UCHL3: variants seen among roughly 807,000 people sequenced by gnomAD.
UCHL3 encodes the protein ubiquitin carboxyl-terminal hydrolase isozyme L3.
Under a neutral mutation model 35.8 loss-of-function variants are expected in UCHL3, and 22 were observed. That is an observed-to-expected ratio of 0.61 (90% CI 0.44 to 0.88). The LOEUF (loss-of-function observed/expected upper bound fraction) is 0.88. Ranked by LOEUF, UCHL3 falls within the 40% of genes least tolerant of loss-of-function variation. The pLI, the probability that UCHL3 is intolerant of heterozygous loss-of-function variation, is 0.00. For missense variants in UCHL3, 229 were observed against 276.9 expected (o/e 0.83, Z 1.23); for synonymous variants, 90 against 92.8 (o/e 0.97, Z 0.17).
intron 3 of UCHL3, among the ~76,000 whole-genome samples, chr13:75,566,266 G>A (rs1002546301): frequency 1.3e-5 from 2 of 152,114 alleles, no homozygotes; most frequent in African/African-American, 4.8e-5. Context: ...TGTGGACAAA[G>A]TTCTAAATCA....
intron 3 of UCHL3, among the ~76,000 whole-genome samples, chr13:75,562,610 T>C (rs1432861681): frequency 2.0e-5 from 3 of 152,150 alleles, no homozygotes; most frequent in Non-Finnish European, 4.4e-5. Flanking sequence ...TTGTCTGAAT[T>C]GGAAATTTCC....
intron 5 of UCHL3, 73 bp from the exon 6 acceptor site, chr13:75,569,387 T>G: frequency 8.2e-7 from 1 of 1,221,814 alleles, no homozygotes. Flanking sequence ...TGTTAAAATT[T>G]AGCTTTGTTG....
chr13:75,561,180 G>A (rs746805420), intron 3 of UCHL3, among the ~76,000 whole-genome samples: 1 of 152,070 alleles, frequency 6.6e-6, no homozygotes, highest in Non-Finnish European at 1.5e-5. Flanking sequence ...TGATCCTCCC[G>A]CATCGGTCTC....
chr13:75,594,835 A>G, intron 6 of UCHL3, 80 bp from the exon 7 acceptor site: 2 of 981,948 alleles, frequency 2.0e-6, no homozygotes, highest in Non-Finnish European at 3.1e-6. Context: ...ATTTGATGTT[A>G]TTTGTATGTG....
At chr13:75,585,872 TA>T (rs1187812992) in intron 6 of UCHL3, among the ~76,000 whole-genome samples, 3 of 151,518 alleles carry the variant, frequency 2.0e-5, no homozygotes, top group Non-Finnish European at 2.9e-5. Flanking sequence ...CTGAAAAGCT[TA>T]AAAAGTATAA....
Position 75,592,446 on chromosome 13 carries a change from A to ATATATGTATATATG in UCHL3, c.475-2464_475-2463insGTATATATGTATAT, listed in dbSNP as rs2032522996. On this transcript the variant is annotated intron_variant, in intron 6 of 8. Coordinates refer to ENST00000377595, the MANE Select transcript of UCHL3 (RefSeq NM_006002.5). ...TATATATATATATATATATATATAT[A>ATATATGTATATATG]TATATATATATATATATATATGAAG... is the stretch of plus-strand genomic sequence containing the variant. 1.4e-4 allele frequency among the ~76,000 whole-genome samples: 10 copies of ATATATGTATATATG among 71,082 alleles called. 1 individual carries two copies. Among genetic ancestry groups the ATATATGTATATATG allele is most frequent in the South Asian group, 4.5e-4 (1 of 2,244 alleles). The allele number at this position is 71,082 out of a possible 152,430, so 46.6% of individuals were successfully genotyped here.
chr13:75,574,153 G>A (rs2031950444), intron 6 of UCHL3, among the ~76,000 whole-genome samples: 2 of 152,094 alleles, frequency 1.3e-5, no homozygotes, highest in South Asian at 4.2e-4. Context: ...GGGAGGCGGA[G>A]CTTGCAGTGA....
intron 6 of UCHL3, among the ~76,000 whole-genome samples, chr13:75,592,448 A>ATATATATATATATATATATATG (rs2032526204): frequency 8.6e-6 from 1 of 116,644 alleles, no homozygotes; most frequent in African/African-American, 3.2e-5. Flanking sequence ...ATATATATAT[A>ATATATATATATATATATATATG]TATATATATA....
intron 3 of UCHL3, among the ~76,000 whole-genome samples, chr13:75,566,016 A>G (rs2031672265): frequency 6.6e-6 from 1 of 152,224 alleles, no homozygotes; most frequent in Non-Finnish European, 1.5e-5. Flanking sequence ...TACAGATTAT[A>G]TAATGTGAAT....
chr13:75,587,699 TA>T (rs1461950730), intron 6 of UCHL3, among the ~76,000 whole-genome samples: 1 of 152,194 alleles, frequency 6.6e-6, no homozygotes, highest in African/African-American at 2.4e-5. Context: ...AATTTGAAAT[TA>T]TTTTTTTAAA....
chr13:75,562,265 A>T (rs2031543685), intron 3 of UCHL3, among the ~76,000 whole-genome samples: 2 of 152,140 alleles, frequency 1.3e-5, no homozygotes, highest in Non-Finnish European at 2.9e-5. Flanking sequence ...TCTACAAAAC[A>T]AATTATTCAA....
intron 6 of UCHL3, among the ~76,000 whole-genome samples, chr13:75,571,729 G>T (rs767131672): frequency 6.6e-6 from 1 of 152,138 alleles, no homozygotes. Context: ...ATGGAGTGCA[G>T]ATAGAAGTTA....
At chr13:75,551,363 G>A (rs1209786799) in intron 2 of UCHL3, among the ~76,000 whole-genome samples, 1 of 151,620 alleles carries the variant, frequency 6.6e-6, no homozygotes, top group Non-Finnish European at 1.5e-5. Flanking sequence ...CCCGGGAGGC[G>A]GAGGTTGCAT....
At chr13:75,594,493 A>G (rs2032591225) in intron 6 of UCHL3, among the ~76,000 whole-genome samples, 1 of 152,234 alleles carries the variant, frequency 6.6e-6, no homozygotes, top group South Asian at 2.1e-4. Flanking sequence ...TAACTCGAAA[A>G]GAGTTTCTTT....
chr13:75,601,795 G>C (rs2032786765), intron 7 of UCHL3, among the ~76,000 whole-genome samples: 1 of 152,110 alleles, frequency 6.6e-6, no homozygotes, highest in Non-Finnish European at 1.5e-5. Flanking sequence ...TCTTTTTTAA[G>C]CCTGTACATT....
At chr13:75,596,767 A>T (rs1162465783) in intron 7 of UCHL3, among the ~76,000 whole-genome samples, 8 of 152,196 alleles carry the variant, frequency 5.3e-5, no homozygotes, top group Non-Finnish European at 1.2e-4. Flanking sequence ...CTTGGCTCAG[A>T]GGCTAAAAGG....
chr13:75,567,983 A>G (rs1306812122), intron 5 of UCHL3, among the ~76,000 whole-genome samples: 3 of 152,198 alleles, frequency 2.0e-5, no homozygotes, highest in African/African-American at 7.2e-5. Flanking sequence ...AGATGAAAGG[A>G]GAAAGCAAAG....
At chr13:75,557,098 T>A (rs1346826044) in intron 2 of UCHL3, among the ~76,000 whole-genome samples, 1 of 151,942 alleles carries the variant, frequency 6.6e-6, no homozygotes, top group Non-Finnish European at 1.5e-5. Context: ...GCCTGTAGTC[T>A]CAGCTATCTG....
rs578214822 is a variant in UCHL3, at chr13:75,554,628, T to TA, written c.54+4645dup. 2.3e-3 allele frequency among the ~76,000 whole-genome samples: 348 copies of TA among 152,320 alleles called. 2 individuals are homozygous for TA. Among genetic ancestry groups the TA allele is most frequent in the African/African-American group, 8.1e-3 (335 of 41,578 alleles). On this transcript the variant is annotated intron_variant, in intron 2 of 8. Transcript: ENST00000377595. The stretch of plus-strand genomic sequence containing the variant: ...TCTTCTGCTTCTCCTTTTGCTTCCC[T>TA]AAAATCTAATTTCCATATGCACCCA...
Sources: gnomAD v4.1 joint callset for allele counts (sites outside exome capture counted in the v4.1 genomes callset) on GRCh38, gnomAD v4.1.1 for gene constraint, MANE v1.5 for transcripts, NCBI Gene and HGNC (gene_info 2026-07-23, HGNC 2026-07-21) for gene names.